INPP5A: variants seen among roughly 807,000 people sequenced by gnomAD.
INPP5A encodes inositol polyphosphate-5-phosphatase A.
INPP5A carries 14 observed loss-of-function variants against 65.2 expected under a neutral mutation model. The ratio of observed to expected loss-of-function variants is 0.21; its 90% CI spans 0.14 to 0.34. The LOEUF (loss-of-function observed/expected upper bound fraction) is 0.34, where lower values mean the gene tolerates loss of function less well. Among genes scored for constraint, INPP5A ranks in the 10% least tolerant of loss-of-function variants. The pLI is 1.00. For missense variants in INPP5A, 431 were observed against 545.6 expected, an observed-to-expected ratio of 0.79 and a Z score of 2.09; for synonymous variants, 207 against 208.3, an observed-to-expected ratio of 0.99 and a Z score of 0.05.
At chr10:132,553,419 T>C (rs4880415) in intron 1 of INPP5A, among the ~76,000 whole-genome samples, 21 of 116,110 alleles carry the variant, frequency 1.8e-4, no homozygotes, top group African/African-American at 3.7e-4. Flanking sequence ...TTGAGTAGGA[T>C]AGGGAGGGAG....
At chr10:132,626,457 G>A (rs1481200466) in intron 2 of INPP5A, among the ~76,000 whole-genome samples, 1 of 152,206 alleles carries the variant, frequency 6.6e-6, no homozygotes, top group Non-Finnish European at 1.5e-5. Flanking sequence ...GTAGGTGGGA[G>A]TCCTGGTCAC....
chr10:132,720,906 C>T lies in INPP5A; in HGVS notation c.648-5915C>T, dbSNP rs531163345. ...CTGGGTTCTGTCTGGGCGCCTTAGA[C>T]GGCTGTCTTGCGGGTTCTGTGGTGC... is the stretch of plus-strand genomic sequence containing the variant. On this transcript the variant is annotated intron_variant, in intron 8 of 15. Transcript: ENST00000368594. 3.4e-3 allele frequency among the ~76,000 whole-genome samples: 484 copies of T among 144,062 alleles called. 3 individuals are homozygous for T. The highest frequency in any genetic ancestry group is 0.012 in the African/African-American group (446 of 38,650). The allele number at this position is 144,062 out of a possible 152,430, so 94.5% of individuals were successfully genotyped here.
Position 132,550,979 on chromosome 10 carries a change from G to A in INPP5A, c.75+12808G>A, listed in dbSNP as rs1457322044. On this transcript the variant is annotated intron_variant, in intron 1 of 15. Transcript: ENST00000368594. The surrounding 1 kb of genome is among the most constrained non-coding windows in gnomAD (Gnocchi z 4.2). ...GGGCCATGTGGTGGGGACTCTGCAGGCCACCTGGAAAGGGGTCCACCTGAA... is the reference window on the plus strand; with the variant it reads ...GGGCCATGTGGTGGGGACTCTGCAGACCACCTGGAAAGGGGTCCACCTGAA... Among the ~76,000 whole-genome samples the A allele has an allele frequency of 6.6e-6, 1 of 152,204 alleles. No individual in the cohort carries two copies. The highest frequency in any genetic ancestry group is 1.5e-5 in the Non-Finnish European group (1 of 68,014).
rs1190128963 is a variant in INPP5A, at chr10:132,545,867, A to G, written c.75+7696A>G. Among the ~76,000 whole-genome samples, 1 of 152,226 alleles carries G rather than the reference A, an allele frequency of 6.6e-6. No homozygotes were observed. Among genetic ancestry groups the G allele is most frequent in the Non-Finnish European group, 1.5e-5 (1 of 68,046 alleles). On this transcript the variant is annotated intron_variant, in intron 1 of 15. Coordinates refer to ENST00000368594, the MANE Select transcript of INPP5A (RefSeq NM_005539.5). The surrounding 1 kb of genome is among the most constrained non-coding windows in gnomAD (Gnocchi z 4.6). ...GCTGGCTCCAGGCCGGCTTTCAGGA[A>G]GGCCGACTGCCTCAATCGTGGTTGC...
At chr10:132,607,686 T>G (rs1311467800) in intron 1 of INPP5A, among the ~76,000 whole-genome samples, 1 of 152,174 alleles carries the variant, frequency 6.6e-6, no homozygotes, top group Non-Finnish European at 1.5e-5. Flanking sequence ...TGAGACAGAG[T>G]GCATCGTGCA....
At chr10:132,709,641 T>C (rs906021186) in intron 7 of INPP5A, among the ~76,000 whole-genome samples, 17 of 152,158 alleles carry the variant, frequency 1.1e-4, no homozygotes, top group African/African-American at 3.9e-4. Context: ...CTGCACGCAC[T>C]CATTCCTGGC....
At chr10:132,573,194 G>A (rs1473348054) in intron 1 of INPP5A, among the ~76,000 whole-genome samples, 5 of 145,120 alleles carry the variant, frequency 3.4e-5, no homozygotes, top group Admixed American at 2.1e-4. Context: ...TGTACGTGCC[G>A]TGTGAGGTTT....
intron 1 of INPP5A, among the ~76,000 whole-genome samples, chr10:132,553,907 G>A (rs911468942): frequency 9.9e-5 from 14 of 141,224 alleles, no homozygotes; most frequent in Middle Eastern, 8.5e-3. Flanking sequence ...ATTGGTGAAC[G>A]CCTTCTCAGA....
rs1430144888 is a variant in INPP5A at position 132,602,752 on chromosome 10, G to A, written c.76-5163G>A. ...CCCAGGCTGGGCCTACCAGTGCAGTGTTGAATGGTAGTGATGAGCGCGGGC... is the reference window on the plus strand; with the variant it reads ...CCCAGGCTGGGCCTACCAGTGCAGTATTGAATGGTAGTGATGAGCGCGGGC... On this transcript the variant is annotated intron_variant, in intron 1 of 15. Transcript: ENST00000368594. Among the ~76,000 whole-genome samples, 8 of 152,330 alleles carry A rather than the reference G, an allele frequency of 5.3e-5. No homozygotes were observed. The East Asian group carries it at 1.4e-3, about 26-fold the overall frequency.
intron 9 of INPP5A, among the ~76,000 whole-genome samples, chr10:132,738,767 A>G (rs1846223109): frequency 1.3e-5 from 2 of 152,306 alleles, no homozygotes; most frequent in East Asian, 1.9e-4. Flanking sequence ...GCCGTTGACA[A>G]TGAACACAGA....
intron 4 of INPP5A, among the ~76,000 whole-genome samples, chr10:132,654,287 C>T (rs992513221): frequency 4.6e-5 from 7 of 152,380 alleles, no homozygotes; most frequent in East Asian, 3.9e-4. Context: ...CCCACAGCCA[C>T]GGCCCTGAGT....
At chr10:132,573,120 G>A (rs1175263465) in intron 1 of INPP5A, among the ~76,000 whole-genome samples, 5 of 146,392 alleles carry the variant, frequency 3.4e-5, no homozygotes, top group Admixed American at 1.4e-4. Flanking sequence ...TGTGTGTGCC[G>A]TGTGAGGTTT....
At chr10:132,578,413 A>G (rs2071435287) in intron 1 of INPP5A, among the ~76,000 whole-genome samples, 1 of 150,784 alleles carries the variant, frequency 6.6e-6, no homozygotes, top group Non-Finnish European at 1.5e-5. Flanking sequence ...CCCACTCTGC[A>G]TGCCGCCCCC....
rs1845515047 is a variant in INPP5A at position 132,705,210 on chromosome 10, A to G, written c.475-3103A>G. On this transcript the variant is annotated intron_variant, in intron 6 of 15. Coordinates refer to ENST00000368594, the MANE Select transcript of INPP5A (RefSeq NM_005539.5). The surrounding 1 kb of genome is among the most constrained non-coding windows in gnomAD (Gnocchi z 4.9). ...CATTGCAGACACAGTTACCGACAGG[A>G]AATGAACACAGAGGCTCCCCGGGGC... is the stretch of plus-strand genomic sequence containing the variant. Among the ~76,000 whole-genome samples the G allele has an allele frequency of 6.6e-6, 1 of 152,194 alleles. No homozygotes were observed. The highest frequency in any genetic ancestry group is 1.5e-5 in the Non-Finnish European group (1 of 68,022).
intron 8 of INPP5A, among the ~76,000 whole-genome samples, chr10:132,712,445 G>GCA (rs1845657581): frequency 6.6e-6 from 1 of 151,656 alleles, no homozygotes; most frequent in Non-Finnish European, 1.5e-5. Flanking sequence ...GTGTGTGGGT[G>GCA]TGTGTGGGTG....
intron 1 of INPP5A, among the ~76,000 whole-genome samples, chr10:132,578,475 C>T (rs2071436113): frequency 6.7e-6 from 1 of 149,576 alleles, no homozygotes; most frequent in Non-Finnish European, 1.5e-5. Context: ...TGGAGCAGCT[C>T]TGTCAGGAGA....
chr10:132,755,324 AGTGT>A (rs138702295), intron 11 of INPP5A, among the ~76,000 whole-genome samples: 1 of 142,782 alleles, frequency 7.0e-6, no homozygotes, highest in Admixed American at 7.0e-5. Context: ...TGAGTGGGCG[AGTGT>A]GTGAGCTGTG....
chr10:132,547,418 G>C lies in INPP5A; in HGVS notation c.75+9247G>C, dbSNP rs1474125562. Among the ~76,000 whole-genome samples, 2 of 152,192 alleles carry C rather than the reference G, an allele frequency of 1.3e-5. No individual in the cohort carries two copies. The highest frequency in any genetic ancestry group is 2.9e-5 in the Non-Finnish European group (2 of 68,020). ...GCCTTTGCTTCTGTCCGGGGCGCGT[G>C]GCCCAGGCTGAGCAGTGCACTCGGC... On this transcript the variant is annotated intron_variant, in intron 1 of 15. Transcript: ENST00000368594. The surrounding 1 kb of genome is among the most constrained non-coding windows in gnomAD (Gnocchi z 5.5).
intron 5 of INPP5A, among the ~76,000 whole-genome samples, chr10:132,695,108 A>C (rs577040583): frequency 6.6e-6 from 1 of 152,360 alleles, no homozygotes; most frequent in South Asian, 2.1e-4. Flanking sequence ...AACTGTAAAC[A>C]AAAATGCTCA....
Sources: allele counts gnomAD v4.1 joint callset (sites outside exome capture counted in the v4.1 genomes callset), GRCh38; gene constraint gnomAD v4.1.1; non-coding constraint Gnocchi (gnomAD v3.1); transcripts MANE v1.5; gene names NCBI Gene and HGNC (gene_info 2026-07-23, HGNC 2026-07-21).